Variants in STMND1 observed in about 807,000 individuals in gnomAD.
The protein encoded by STMND1 is stathmin domain-containing protein 1.
In STMND1, 17 loss-of-function variants were observed where a neutral mutation model predicts 23.0. The ratio of observed to expected loss-of-function variants is 0.74; its 90% CI spans 0.51 to 1.11. STMND1 has a LOEUF of 1.11. Ranked by LOEUF, STMND1 falls within the 50% of genes least tolerant of loss-of-function variation. The probability of loss-of-function intolerance (pLI) is 0.00; values close to 1 mark genes in which losing one functional copy is unlikely to be tolerated. For synonymous variants in STMND1, 114 were observed against 119.9 expected, an observed-to-expected ratio of 0.95 and a Z score of 0.32; for missense variants, 305 against 329.1, an observed-to-expected ratio of 0.93 and a Z score of 0.57.
chr6:17,120,887 T>G (rs2113487866), intron 3 of STMND1, 129 bp downstream of exon 3: 1 of 807,080 alleles, frequency 1.2e-6, no homozygotes, highest in South Asian at 2.3e-5. Context: ...AGTCAGATTT[T>G]TCTCCCTTAA....
chr6:17,130,708 C>T lies in STMND1; in HGVS notation c.658C>T (p.Gln220Ter). The T allele has an allele frequency of 6.5e-7, 1 of 1,536,054 alleles. No homozygotes were observed. Among genetic ancestry groups the T allele is most frequent in the Non-Finnish European group, 8.7e-7 (1 of 1,146,896 alleles). The change falls in exon 5 of 5, where the codon CAA (glutamine) becomes TAA (stop). Residue 220 changes from glutamine to a stop codon, truncating the protein, a stop_gained. Coordinates refer to ENST00000536551, the MANE Select transcript of STMND1 (RefSeq NM_001190766.2). LOFTEE classifies it low-confidence loss of function (END_TRUNC). ...GAEVAFAKGLQRVRSAGFEPS... is the reference protein window; with the variant it reads ...GAEVAFAKGL ...CGAGGTTGCATTTGCCAAAGGACTT[C>T]AAAGGGTGAGGTCTGCTGGATTTGA...
chr6:17,118,691 A>G (rs1414037696), intron 2 of STMND1, among the ~76,000 whole-genome samples: 1 of 152,212 alleles, frequency 6.6e-6, no homozygotes, highest in African/African-American at 2.4e-5. Flanking sequence ...ACATCCTGGG[A>G]GAGAAATGAA....
intron 3 of STMND1, 134 bp downstream of exon 3, chr6:17,120,892 C>T (rs1761223628): frequency 1.3e-6 from 1 of 755,088 alleles, no homozygotes; most frequent in Non-Finnish European, 2.0e-6. Context: ...GATTTTTCTC[C>T]CTTAAATTCC....
At chr6:17,103,870 A>C (rs1396734397) in intron 1 of STMND1, among the ~76,000 whole-genome samples, 5 of 151,754 alleles carry the variant, frequency 3.3e-5, no homozygotes, top group Non-Finnish European at 7.4e-5. Flanking sequence ...GCACCCTGCT[A>C]GGACCCATTA....
intron 1 of STMND1, among the ~76,000 whole-genome samples, chr6:17,107,395 T>A (rs1386557651): frequency 6.7e-6 from 1 of 148,996 alleles, no homozygotes; most frequent in Non-Finnish European, 1.5e-5. Flanking sequence ...AACTTTTAAA[T>A]TCTACCTAAA....
intron 2 of STMND1, among the ~76,000 whole-genome samples, chr6:17,118,912 G>C (rs1415832349): frequency 3.3e-5 from 5 of 152,146 alleles, no homozygotes; most frequent in Admixed American, 1.3e-4. Flanking sequence ...GTTGATGTTT[G>C]CATTTGACGT....
intron 1 of STMND1, among the ~76,000 whole-genome samples, chr6:17,103,850 G>GT (rs1291083486): frequency 6.6e-6 from 1 of 152,000 alleles, no homozygotes; most frequent in Non-Finnish European, 1.5e-5. Flanking sequence ...GATTACAGGT[G>GT]TAACTCACCG....
chr6:17,123,112 T>C (rs1390705612), intron 3 of STMND1, among the ~76,000 whole-genome samples: 1 of 152,180 alleles, frequency 6.6e-6, no homozygotes, highest in Non-Finnish European at 1.5e-5. Context: ...TTCTCCGTGA[T>C]TCAATTGCCA....
In STMND1 at chr6:17,110,717, G is replaced by A. The variant is rs376641335; in HGVS notation, c.82-4245G>A. 237 of 432,284 alleles carry A rather than the reference G, an allele frequency of 5.5e-4. 2 individuals are homozygous for A. The highest frequency in any genetic ancestry group is 3.8e-3 in the African/African-American group (185 of 49,256). The allele number at this position is 432,284 out of a possible 1,614,324, so 26.8% of individuals were successfully genotyped here. On this transcript the variant is annotated intron_variant, in intron 1 of 4. Transcript: ENST00000536551. ...CGAGAGGCAGAGGTTGCAGTGAGCC[G>A]AGATCGCACCACTGCACTCAAGCCT... is the stretch of plus-strand genomic sequence containing the variant.
intron 1 of STMND1, among the ~76,000 whole-genome samples, chr6:17,103,483 GT>G (rs1760970774): frequency 6.6e-6 from 1 of 151,552 alleles, no homozygotes; most frequent in Admixed American, 6.6e-5. Flanking sequence ...GGGGAAGCCT[GT>G]GCCCAAATGG....
chr6:17,115,103 C>T lies in STMND1; in HGVS notation c.223C>T (p.Pro75Ser), dbSNP rs1581369669. 6.5e-7 allele frequency: 1 copy of T among 1,535,820 alleles called. No individual in the cohort carries two copies. Residue 75 changes from proline (P) to serine (S), a missense_variant, in exon 2 of 5, where the codon CCA (proline) becomes TCA (serine). Physicochemically the swap from Pro to Ser is moderately conservative, Grantham distance 74. Transcript: ENST00000536551. ...SLPGTISENS[P>S]SPSERNRRVN... Reference sequence around the variant, plus strand: ...ACCTGGAACCATTTCAGAAAATTCTCCATCTCCTAGTGAAAGAAACAGACG... The same window carrying T: ...ACCTGGAACCATTTCAGAAAATTCTTCATCTCCTAGTGAAAGAAACAGACG...
At chr6:17,110,590 A>G in intron 1 of STMND1, 1 of 307,236 alleles carries the variant, frequency 3.3e-6, no homozygotes, top group Admixed American at 4.2e-5. Flanking sequence ...CAACATGGTG[A>G]AACCCCGTCT....
At chr6:17,104,543 G>C (rs890027945) in intron 1 of STMND1, among the ~76,000 whole-genome samples, 2 of 152,012 alleles carry the variant, frequency 1.3e-5, no homozygotes. Context: ...AGGGTTCCTG[G>C]GTTTCTACCT....
intron 3 of STMND1, chr6:17,128,815 C>CGATCA (rs1265713820): frequency 9.0e-6 from 2 of 221,962 alleles, no homozygotes; most frequent in African/African-American, 4.7e-5. Context: ...TGGGCTCAAG[C>CGATCA]GATCCTCCAC....
Position 17,131,028 on chromosome 6 carries a change from G to GA in STMND1, c.*149dup. 1 of 725,122 alleles carries GA rather than the reference G, an allele frequency of 1.4e-6. No homozygotes were observed. Among genetic ancestry groups the GA allele is most frequent in the Non-Finnish European group, 2.1e-6 (1 of 470,286 alleles). The allele number at this position is 725,122 out of a possible 1,614,324, so 44.9% of individuals were successfully genotyped here. ...GATGATTGTGTGGGCTGCACAGGCT[G>GA]AAGGTTAGTTGAGTAAATTAAGTAG... On this transcript the variant is annotated 3_prime_UTR_variant, in exon 5 of 5. Transcript: ENST00000536551.
At chr6:17,110,133 A>C (rs150917589) in intron 1 of STMND1, among the ~76,000 whole-genome samples, 312 of 152,346 alleles carry the variant, frequency 2.0e-3, no homozygotes, top group Middle Eastern at 3.4e-3. Flanking sequence ...TCATTTATCA[A>C]GAACCAATTC....
chr6:17,120,355 A>G (rs929303793), intron 2 of STMND1, among the ~76,000 whole-genome samples: 2 of 152,260 alleles, frequency 1.3e-5, no homozygotes, highest in Non-Finnish European at 2.9e-5. Context: ...AGCAGCACAC[A>G]GAAAGGCTTT....
Position 17,105,017 on chromosome 6 carries a change from T to C in STMND1, c.81+2679T>C, listed in dbSNP as rs182554991. Among the ~76,000 whole-genome samples the C allele has an allele frequency of 3.4e-3, 512 of 152,374 alleles. 5 individuals are homozygous for C. The highest frequency in any genetic ancestry group is 4.3e-3 in the Non-Finnish European group (295 of 68,040). ...TGAACATGTATAGACTTTTTTTTGT[T>C]ATTGTGCCTTAAACATACAGTACAA... On this transcript the variant is annotated intron_variant, in intron 1 of 4. Coordinates refer to ENST00000536551, the MANE Select transcript of STMND1 (RefSeq NM_001190766.2).
chr6:17,119,519 C>A (rs1463219114), intron 2 of STMND1, among the ~76,000 whole-genome samples: 1 of 152,160 alleles, frequency 6.6e-6, no homozygotes, highest in Non-Finnish European at 1.5e-5. Context: ...GCCTGTCCAA[C>A]ATGGTGAAAT....
Sources: gnomAD v4.1 joint callset for allele counts (sites outside exome capture counted in the v4.1 genomes callset) on GRCh38, gnomAD v4.1.1 for gene constraint, MANE v1.5 for transcripts, NCBI Gene and HGNC (gene_info 2026-07-23, HGNC 2026-07-21) for gene names.